TTC6: variants seen among roughly 807,000 people sequenced by gnomAD.
TTC6 encodes the protein tetratricopeptide repeat domain 6.
In TTC6, 172 loss-of-function variants were observed where a neutral mutation model predicts 210.4. The observed-to-expected ratio is 0.82, with a 90% CI of 0.72 to 0.93. The LOEUF (loss-of-function observed/expected upper bound fraction) is 0.93. Ranked by LOEUF, TTC6 falls within the 40% of genes least tolerant of loss-of-function variation. The pLI is 0.00. For missense variants in TTC6, 2,414 were observed against 2,318.1 expected (o/e 1.04, Z -0.85); for synonymous variants, 804 against 819.6 (o/e 0.98, Z 0.32).
intron 7 of TTC6, among the ~76,000 whole-genome samples, chr14:37,725,604 T>C (rs776902208): frequency 2.0e-5 from 3 of 151,412 alleles, no homozygotes; most frequent in Admixed American, 6.6e-5. Flanking sequence ...CCCAGCTTGG[T>C]CTCCCAAAGT....
At chr14:37,679,960 G>A (rs2095779550) in intron 1 of TTC6, among the ~76,000 whole-genome samples, 191 bp from the exon 4 acceptor site, 1 of 152,028 alleles carries the variant, frequency 6.6e-6, no homozygotes, top group Non-Finnish European at 1.5e-5. Flanking sequence ...AAAGTGCCGG[G>A]ATTACAGGCA....
Position 37,751,263 on chromosome 14 carries a change from T to C in TTC6, c.3129+38T>C, listed in dbSNP as rs1051123357. ...ACATATAATTCTACCATTTATATAG[T>C]TTAGATTGCGATATCCTCATGCAAA... is the stretch of plus-strand genomic sequence containing the variant. On this transcript the variant is annotated intron_variant, in intron 13 of 30. Coordinates refer to ENST00000553443, the Ensembl canonical transcript of TTC6. 8.4e-6 allele frequency: 12 copies of C among 1,425,034 alleles called. No homozygotes were observed. In the Admixed American group the frequency reaches 2.9e-4, roughly 34 times the overall value. The allele number at this position is 1,425,034 out of a possible 1,614,324, so 88.3% of individuals were successfully genotyped here.
At chr14:37,778,552 CAT>C (rs996936115) in intron 14 of TTC6, among the ~76,000 whole-genome samples, 7 of 152,106 alleles carry the variant, frequency 4.6e-5, no homozygotes, top group Non-Finnish European at 7.4e-5. Context: ...AATCTGCCCA[CAT>C]GTGTGTGCAC....
chr14:37,688,044 C>G (rs1375420424), intron 3 of TTC6, among the ~76,000 whole-genome samples: 1 of 152,076 alleles, frequency 6.6e-6, no homozygotes, highest in Non-Finnish European at 1.5e-5. Context: ...TGGACCTGCC[C>G]TAGGTCAGAG....
intron 30 of TTC6, 49 bp downstream of exon 32, chr14:37,841,719 TA>T: frequency 7.1e-7 from 1 of 1,405,864 alleles, no homozygotes; most frequent in East Asian, 2.3e-5. Context: ...TTGAAGTGAT[TA>T]TTTTTAGGCT....
chr14:37,748,001 G>A (rs1483380531), intron 10 of TTC6, among the ~76,000 whole-genome samples: 1 of 152,076 alleles, frequency 6.6e-6, no homozygotes, highest in Non-Finnish European at 1.5e-5. Context: ...GCATACTAGG[G>A]GAAGCTCCTG....
upstream of TTC6, among the ~76,000 whole-genome samples, chr14:37,618,956 G>A (rs1308454480): frequency 1.3e-5 from 2 of 152,178 alleles, no homozygotes; most frequent in African/African-American, 4.8e-5. Context: ...CTTCTGGTCT[G>A]TGCTCTGTTC....
chr14:37,713,802 A>ATT (rs2095848302), intron 5 of TTC6, among the ~76,000 whole-genome samples: 1 of 152,160 alleles, frequency 6.6e-6, no homozygotes, highest in African/African-American at 2.4e-5. Flanking sequence ...GTATATTATT[A>ATT]AACAACTGAA....
At chr14:37,780,066 T>G (rs994143642) in intron 14 of TTC6, among the ~76,000 whole-genome samples, 20 of 152,178 alleles carry the variant, frequency 1.3e-4, no homozygotes, top group African/African-American at 3.6e-4. Context: ...ATGAATGAAT[T>G]AATTAATGGC....
In TTC6 at chr14:37,841,357, CTTAATTTAAAA is replaced by C. The variant is rs904867554; in HGVS notation, c.5299-83_5299-73del. ...GTTGACCTCTTGGTATGCCACTGGC[CTTAATTTAAAA>C]TTAAGAGTAAAAGTGCTTCAAATTT... On this transcript the variant is annotated intron_variant, in intron 29 of 30. Coordinates refer to ENST00000553443, the Ensembl canonical transcript of TTC6. The C allele has an allele frequency of 2.6e-6, 3 of 1,144,770 alleles. No individual in the cohort carries two copies. In the African/African-American group the frequency reaches 4.8e-5, roughly 18 times the overall value. 70.9% of individuals were successfully genotyped at this position (1,144,770 alleles called of 1,614,324 possible). A position where few individuals can be genotyped will look rare whatever the true frequency, so the allele number is the denominator to read the frequency against.
intron 2 of TTC6, among the ~76,000 whole-genome samples, chr14:37,610,633 G>A (rs1445834281): frequency 6.6e-6 from 1 of 152,140 alleles, no homozygotes; most frequent in Non-Finnish European, 1.5e-5. Flanking sequence ...CCATCACCAA[G>A]GTTAAAAAGC....
At chr14:37,807,075 G>GA (rs1202419209) in intron 22 of TTC6, among the ~76,000 whole-genome samples, 2 of 151,886 alleles carry the variant, frequency 1.3e-5, no homozygotes, top group Non-Finnish European at 2.9e-5. Flanking sequence ...CAATAGTGCA[G>GA]AAAAAAATAG....
At position 37,674,468 on chromosome 14, in the gene TTC6, A is replaced by G. The variant is rs538480018; in HGVS notation, c.940-5683A>G. Among the ~76,000 whole-genome samples, 3 of 152,256 alleles carry G rather than the reference A, an allele frequency of 2.0e-5. No individual in the cohort carries two copies. In the South Asian group the frequency reaches 6.2e-4, roughly 32 times the overall value. ...TGAACAATAACTATTATTATGTATA[A>G]GACACTTTGTTTGCATGTATTATAT... On this transcript the variant is annotated intron_variant, in intron 1 of 30. Transcript: ENST00000553443.
chr14:37,817,556 A>G (rs1212524206), intron 25 of TTC6, 22 bp from the exon 28 acceptor site: 1 of 1,608,714 alleles, frequency 6.2e-7, no homozygotes. Context: ...AAAATTAACA[A>G]AAGCTTATAA....
At chr14:37,656,980 C>T (rs957819232) in intron 1 of TTC6, among the ~76,000 whole-genome samples, 3 of 151,890 alleles carry the variant, frequency 2.0e-5, no homozygotes, top group Non-Finnish European at 4.4e-5. Flanking sequence ...GAGGCCGAGG[C>T]GGGTGGATCA....
chr14:37,821,395 A>G (rs1035825106), intron 26 of TTC6, among the ~76,000 whole-genome samples: 1 of 152,084 alleles, frequency 6.6e-6, no homozygotes, highest in African/African-American at 2.4e-5. Context: ...AATAGTGCCA[A>G]TTATCAGGAA....
chr14:37,802,101 G>A (rs1277970192), intron 20 of TTC6: 3 of 152,126 alleles, frequency 2.0e-5, no homozygotes, highest in African/African-American at 7.2e-5. Context: ...CAGGGACGTG[G>A]ATGGAGCTGG....
intron 1 of TTC6, among the ~76,000 whole-genome samples, chr14:37,658,648 T>C (rs371539284): frequency 1.3e-5 from 2 of 152,130 alleles, no homozygotes; most frequent in Non-Finnish European, 2.9e-5. Context: ...GGGTGAAAGA[T>C]ACCTTAAAAG....
chr14:37,735,684 A>C (rs954885181), intron 7 of TTC6, among the ~76,000 whole-genome samples: 8 of 152,214 alleles, frequency 5.3e-5, no homozygotes, highest in Non-Finnish European at 1.0e-4. Flanking sequence ...AATAGTGTGG[A>C]AGTAACCATT....
Sources: allele counts gnomAD v4.1 joint callset (sites outside exome capture counted in the v4.1 genomes callset), GRCh38; gene constraint gnomAD v4.1.1; transcripts MANE v1.5; gene names NCBI Gene and HGNC (gene_info 2026-07-23, HGNC 2026-07-21).